Variants in ST3GAL3 observed in about 807,000 individuals in gnomAD.
ST3GAL3 encodes CMP-N-acetylneuraminate-beta-1,4-galactoside alpha-2,3-sialyltransferase.
A neutral mutation model predicts 50.1 loss-of-function variants in ST3GAL3; 21 were observed. The observed-to-expected ratio is 0.42, with a 90% confidence interval of 0.30 to 0.60. The LOEUF is 0.60. Among genes scored for constraint, ST3GAL3 ranks in the 20% least tolerant of loss-of-function variants. The probability of loss-of-function intolerance (pLI) is 0.19; values close to 1 mark genes in which losing one functional copy is unlikely to be tolerated. For synonymous variants in ST3GAL3, 183 were observed against 190.0 expected (o/e 0.96, Z 0.30); for missense variants, 353 against 489.4 (o/e 0.72, Z 2.63).
intron 5 of ST3GAL3, among the ~76,000 whole-genome samples, chr1:43,891,715 A>G (rs183040757): frequency 2.0e-5 from 3 of 152,334 alleles, no homozygotes; most frequent in Admixed American, 6.5e-5. Context: ...CTGTTAAGGA[A>G]TCAGCTCATT....
intron 7 of ST3GAL3, chr1:43,898,522 T>C (rs2077726136): frequency 1.6e-6 from 1 of 616,522 alleles, no homozygotes; most frequent in Non-Finnish European, 3.0e-6. Flanking sequence ...AGTCCTCAGA[T>C]ACCAGAGGTT....
chr1:43,827,332 T>C (rs1160527216), intron 4 of ST3GAL3, among the ~76,000 whole-genome samples: 1 of 152,052 alleles, frequency 6.6e-6, no homozygotes, highest in African/African-American at 2.4e-5. Context: ...TCATTTACAT[T>C]AGTGCCAAAA....
At chr1:43,919,984 T>A in intron 9 of ST3GAL3, 1 of 339,350 alleles carries the variant, frequency 2.9e-6, no homozygotes, top group East Asian at 7.7e-5. Flanking sequence ...GCAAGGGAAG[T>A]GGGAGCACAG....
At chr1:43,891,943 C>T (rs1410915111) in intron 5 of ST3GAL3, among the ~76,000 whole-genome samples, 1 of 152,112 alleles carries the variant, frequency 6.6e-6, no homozygotes, top group African/African-American at 2.4e-5. Context: ...ACACTTGAAC[C>T]TAGTCTTTTT....
At chr1:43,881,513 C>T (rs182387086) in intron 5 of ST3GAL3, among the ~76,000 whole-genome samples, 111 of 152,362 alleles carry the variant, frequency 7.3e-4, no homozygotes, top group Middle Eastern at 3.4e-3. Flanking sequence ...GGCAGCTTCT[C>T]AGCACACAGT....
intron 2 of ST3GAL3, among the ~76,000 whole-genome samples, chr1:43,783,170 C>T (rs1373275255): frequency 6.6e-6 from 1 of 152,098 alleles, no homozygotes; most frequent in Admixed American, 6.6e-5. Context: ...ACAGTGGAGC[C>T]CGGATTAGCA....
At chr1:43,844,337 C>A (rs1408751474) in intron 5 of ST3GAL3, among the ~76,000 whole-genome samples, 1 of 152,190 alleles carries the variant, frequency 6.6e-6, no homozygotes, top group African/African-American at 2.4e-5. Context: ...TAGTTGGTTC[C>A]CCTGCCAACC....
rs145125964 is a variant in ST3GAL3, at chr1:43,815,086, G to A, written c.209+153G>A. On this transcript the variant is annotated intron_variant, in intron 4 of 11. Coordinates refer to ENST00000347631, the MANE Select transcript of ST3GAL3 (RefSeq NM_006279.5). ...GGCTGTCAGCAGAATCTTGGGGCAT[G>A]TTACAGTCTGCAGCGGCCAGAGAGG... 1,131 of 816,492 alleles carry A rather than the reference G, an allele frequency of 1.4e-3. 3 individuals are homozygous for A. Among genetic ancestry groups the A allele is most frequent in the Non-Finnish European group, 2.1e-3 (972 of 469,478 alleles). The allele number at this position is 816,492 out of a possible 1,614,324, so 50.6% of individuals were successfully genotyped here.
At chr1:43,853,455 T>C (rs142838185) in intron 5 of ST3GAL3, among the ~76,000 whole-genome samples, 80 of 152,336 alleles carry the variant, frequency 5.3e-4, no homozygotes, top group African/African-American at 1.9e-3. Flanking sequence ...GTCAAGCAGT[T>C]TGCCCGAGGT....
chr1:43,918,013 T>G (rs1167873661), intron 9 of ST3GAL3, among the ~76,000 whole-genome samples: 3 of 151,306 alleles, frequency 2.0e-5, no homozygotes, highest in South Asian at 2.1e-4. Flanking sequence ...TAAAAATGTT[T>G]ATGAAGTCAA....
chr1:43,908,496 T>G (rs1364171621), intron 9 of ST3GAL3, among the ~76,000 whole-genome samples: 1 of 152,210 alleles, frequency 6.6e-6, no homozygotes, highest in Non-Finnish European at 1.5e-5. Context: ...CAGCGTTCTC[T>G]TTTAATAAGC....
At chr1:43,833,035 A>C (rs569679906) in intron 4 of ST3GAL3, among the ~76,000 whole-genome samples, 18 of 152,186 alleles carry the variant, frequency 1.2e-4, no homozygotes, top group Non-Finnish European at 2.6e-4. Flanking sequence ...GGAATGCTTT[A>C]AACTAAATTA....
At chr1:43,925,891 G>C (rs138893858) in intron 11 of ST3GAL3, among the ~76,000 whole-genome samples, 1 of 152,160 alleles carries the variant, frequency 6.6e-6, no homozygotes, top group South Asian at 2.1e-4. Context: ...GGTGGCCGTC[G>C]GATGTAGCTG....
At chr1:43,811,025 A>G (rs942692240) in intron 3 of ST3GAL3, among the ~76,000 whole-genome samples, 4 of 152,182 alleles carry the variant, frequency 2.6e-5, no homozygotes, top group African/African-American at 4.8e-5. Flanking sequence ...TATGTTGAGC[A>G]TGCAGGAAAT....
chr1:43,891,378 T>C (rs1408641055), intron 5 of ST3GAL3, among the ~76,000 whole-genome samples: 1 of 152,228 alleles, frequency 6.6e-6, no homozygotes, highest in Non-Finnish European at 1.5e-5. Context: ...AAGATCAGCC[T>C]GACCAACATA....
chr1:43,708,646 G>A (rs1451587447), intron 1 of ST3GAL3, among the ~76,000 whole-genome samples: 1 of 152,198 alleles, frequency 6.6e-6, no homozygotes, highest in Non-Finnish European at 1.5e-5. Context: ...GAAATTTATA[G>A]CCAAATGATA....
At chr1:43,876,508 G>A (rs975663236) in intron 5 of ST3GAL3, among the ~76,000 whole-genome samples, 19 of 152,198 alleles carry the variant, frequency 1.2e-4, no homozygotes, top group Admixed American at 5.2e-4. Flanking sequence ...AGAGGCCATC[G>A]TAAGGTACTG....
At chr1:43,911,831 G>A (rs4314918) in intron 9 of ST3GAL3, 97,933 of 151,844 alleles carry the variant, frequency 0.64, 35,895 homozygotes, top group Non-Finnish European at 0.82. Flanking sequence ...GGGGGCTACA[G>A]GTGCACCCCA....
rs550956800 is a variant in ST3GAL3 at position 43,768,943 on chromosome 1, C to T, written c.119-23159C>T. 2.6e-5 allele frequency among the ~76,000 whole-genome samples: 4 copies of T among 152,154 alleles called. No homozygotes were observed. In the East Asian group the frequency reaches 7.7e-4, roughly 29 times the overall value. ...GATACCAAAACTGAAGAAAGACAAA[C>T]TCAAGAAAGGAAGATTAAAGGCCAA... On this transcript the variant is annotated intron_variant, in intron 2 of 11. Transcript: ENST00000347631.
Sources: gnomAD v4.1 joint callset for allele counts (sites outside exome capture counted in the v4.1 genomes callset) on GRCh38, gnomAD v4.1.1 for gene constraint, MANE v1.5 for transcripts, NCBI Gene and HGNC (gene_info 2026-07-23, HGNC 2026-07-21) for gene names.